Variants in TGFB1 observed in about 807,000 individuals in gnomAD.
TGFB1 encodes transforming growth factor beta-1 proprotein.
Under a neutral mutation model 43.8 loss-of-function variants are expected in TGFB1, and 19 were observed. The ratio of observed to expected loss-of-function variants is 0.43; its 90% CI spans 0.30 to 0.64. The LOEUF (loss-of-function observed/expected upper bound fraction) is 0.64. Among genes scored for constraint, TGFB1 ranks in the 30% least tolerant of loss-of-function variants. The pLI is 0.11. For missense variants in TGFB1, 445 were observed against 529.8 expected (o/e 0.84, Z 1.57); for synonymous variants, 221 against 236.3 (o/e 0.94, Z 0.60).
chr19:41,332,301 G>C lies in TGFB1; in HGVS notation c.861-20C>G, dbSNP rs8179181. ...GTGGAGCTGCAGGCAGGAGAGACGC[G>C]TCAGGGGCAGGGAGGGGCTACCACC... On this transcript the variant is annotated intron_variant, in intron 5 of 6. Coordinates refer to ENST00000221930, the MANE Select transcript of TGFB1 (RefSeq NM_000660.7). 17 of 1,609,206 alleles carry C rather than the reference G, an allele frequency of 1.1e-5. No individual in the cohort carries two copies. The highest frequency in any genetic ancestry group is 1.7e-5 in the Admixed American group (1 of 59,686).
intron 5 of TGFB1, among the ~76,000 whole-genome samples, chr19:41,337,895 T>C (rs933424107): frequency 3.3e-5 from 5 of 152,152 alleles, no homozygotes; most frequent in African/African-American, 1.2e-4. Flanking sequence ...ATCTTATTTT[T>C]AAAATGCAGG....
intron 6 of TGFB1, among the ~76,000 whole-genome samples, chr19:41,331,759 CTTG>C (rs199686363): frequency 6.6e-6 from 1 of 151,550 alleles, no homozygotes; most frequent in East Asian, 1.9e-4. Flanking sequence ...CGCCTCTTGC[CTTG>C]TTGTGTATCT....
chr19:41,341,466 CAAAAAAAAAAAAAA>C lies in TGFB1; in HGVS notation c.860+403_860+416del, dbSNP rs770264069. 7.6e-4 allele frequency among the ~76,000 whole-genome samples: 27 copies of C among 35,588 alleles called. No homozygotes were observed. The Admixed American group carries it at 7.6e-3, about 10-fold the overall frequency. The allele number at this position is 35,588 out of a possible 152,430, so 23.3% of individuals were successfully genotyped here. A position where few individuals can be genotyped will look rare whatever the true frequency, so the allele number is the denominator to read the frequency against. ...CAGGTGACAGAGCGAGACTCTGTCT[CAAAAAAAAAAAAAA>C]AAAAAAAAAAAGGAACCTGATCCCA... On this transcript the variant is annotated intron_variant, in intron 5 of 6. Transcript: ENST00000221930.
intron 1 of TGFB1, 54 bp from the exon 2 acceptor site, chr19:41,348,509 G>A: frequency 6.3e-7 from 1 of 1,593,490 alleles, no homozygotes; most frequent in Non-Finnish European, 8.6e-7. Context: ...GGTGAGGGGA[G>A]CTGGTGCTCC....
At chr19:41,352,397 A>G (rs2038214508) in intron 1 of TGFB1, among the ~76,000 whole-genome samples, 1 of 105,662 alleles carries the variant, frequency 9.5e-6, no homozygotes, top group East Asian at 3.2e-4. Context: ...CCCTCCCCCT[A>G]TTGCTTGTCT....
intron 5 of TGFB1, 55 bp downstream of exon 5, chr19:41,341,828 A>G: frequency 6.2e-7 from 1 of 1,610,330 alleles, no homozygotes; most frequent in Non-Finnish European, 8.5e-7. Flanking sequence ...CCTGGTCAGC[A>G]GATGGCAGTC....
At chr19:41,333,088 CTG>C (rs952732903) in intron 5 of TGFB1, among the ~76,000 whole-genome samples, 4 of 152,112 alleles carry the variant, frequency 2.6e-5, no homozygotes, top group Admixed American at 6.6e-5. Flanking sequence ...GGCGTCCTGT[CTG>C]TTCCTCAGAC....
chr19:41,350,606 C>A (rs559657670), intron 1 of TGFB1, among the ~76,000 whole-genome samples: 3 of 152,164 alleles, frequency 2.0e-5, no homozygotes, highest in Admixed American at 6.5e-5. Flanking sequence ...CCGCGCCCAG[C>A]CAAGGTATTT....
In TGFB1 at chr19:41,348,449, T is replaced by G. The variant is rs1338282395; in HGVS notation, c.362A>C (p.Tyr121Ser). The G allele has an allele frequency of 1.2e-6, 2 of 1,612,794 alleles. No homozygotes were observed. Among genetic ancestry groups the G allele is most frequent in the East Asian group, 2.2e-5 (1 of 44,806 alleles). The change falls in exon 2 of 7, where the codon TAT becomes TCT. Residue 121 changes from tyrosine to serine, a missense_variant. This residue lies in a region of TGFB1 where 366 missense variants were observed against 428.8 expected (regional missense o/e 0.85). Transcript: ENST00000221930. ...GTGTGTACTCTGCTTGAACTTGTCATAGATTTCTAGCAGGGAGAAATGAAG... is the reference window on the plus strand; with the variant it reads ...GTGTGTACTCTGCTTGAACTTGTCAGAGATTTCTAGCAGGGAGAAATGAAG... ...VLMVETHNEI[Y>S]DKFKQSTHSI...
chr19:41,343,254 C>A (rs2038079087), intron 3 of TGFB1, among the ~76,000 whole-genome samples: 1 of 152,014 alleles, frequency 6.6e-6, no homozygotes, highest in Non-Finnish European at 1.5e-5. Context: ...CCTGCCTCAG[C>A]CTCCCGAGTA....
In TGFB1 at chr19:41,342,054, G is replaced by A. The variant is rs766703879; in HGVS notation, c.713-24C>T. Reference sequence around the variant, plus strand: ...CCCTGCTTTGGTGTGGGAGTCAGGGGATAGGGGACATACACACACACTCTC... The same window carrying A: ...CCCTGCTTTGGTGTGGGAGTCAGGGAATAGGGGACATACACACACACTCTC... On this transcript the variant is annotated intron_variant, in intron 4 of 6. Coordinates refer to ENST00000221930, the MANE Select transcript of TGFB1 (RefSeq NM_000660.7). 32 of 1,614,084 alleles carry A rather than the reference G, an allele frequency of 2.0e-5. No homozygotes were observed. The Admixed American group carries it at 4.5e-4, about 23-fold the overall frequency.
intron 5 of TGFB1, among the ~76,000 whole-genome samples, chr19:41,337,188 C>T (rs1033686641): frequency 1.3e-5 from 2 of 152,020 alleles, no homozygotes; most frequent in Non-Finnish European, 1.5e-5. Flanking sequence ...GTTGCCCAGG[C>T]TGGAGTGCAA....
chr19:41,345,707 G>C (rs1018727508), intron 2 of TGFB1, among the ~76,000 whole-genome samples: 3 of 151,342 alleles, frequency 2.0e-5, no homozygotes, highest in Non-Finnish European at 4.4e-5. Context: ...TTCAAGACCA[G>C]CCTGGCCAAC....
At chr19:41,333,047 T>A (rs2037950892) in intron 5 of TGFB1, among the ~76,000 whole-genome samples, 1 of 151,940 alleles carries the variant, frequency 6.6e-6, no homozygotes, top group African/African-American at 2.4e-5. Flanking sequence ...CTCAACTCCC[T>A]CTCTCACGCC....
intron 1 of TGFB1, among the ~76,000 whole-genome samples, chr19:41,350,095 C>A (rs2038166757): frequency 1.3e-5 from 2 of 152,052 alleles, no homozygotes; most frequent in African/African-American, 4.8e-5. Flanking sequence ...ATCCTCACGC[C>A]TCAGCCTCCC....
chr19:41,353,056 C>G lies in TGFB1; in HGVS notation c.-12G>C, dbSNP rs2038234075. ...CCGGAGGGCGGCATGGGGGAGGCGG[C>G]GCCCCCCGGCACTGCCGAGAGCGCG... is the stretch of plus-strand genomic sequence containing the variant. On this transcript the variant is annotated 5_prime_UTR_variant, in exon 1 of 7. Transcript: ENST00000221930. This position sits in a 1 kb window ranked among gnomAD's most constrained non-coding sequence, Gnocchi z 5.9. 6.6e-7 allele frequency: 1 copy of G among 1,516,424 alleles called. No individual in the cohort carries two copies. Among genetic ancestry groups the G allele is most frequent in the Non-Finnish European group, 8.8e-7 (1 of 1,137,060 alleles). The allele number at this position is 1,516,424 out of a possible 1,614,324, so 93.9% of individuals were successfully genotyped here. A position where few individuals can be genotyped will look rare whatever the true frequency, so the allele number is the denominator to read the frequency against.
At position 41,330,684 on chromosome 19, in the gene TGFB1, G is replaced by A. The variant is rs1212917697; in HGVS notation, c.*368C>T. 13 of 196,810 alleles carry A rather than the reference G, an allele frequency of 6.6e-5. No individual in the cohort carries two copies. The highest frequency in any genetic ancestry group is 3.7e-3 in the Middle Eastern group (2 of 536). The allele number at this position is 196,810 out of a possible 1,614,324, so 12.2% of individuals were successfully genotyped here. A position where few individuals can be genotyped will look rare whatever the true frequency, so the allele number is the denominator to read the frequency against. ...TCCCTGCATCTCAGAGTGTTGCTAT[G>A]GTGACTGAATGAGTTCATTAATGTA... On this transcript the variant is annotated 3_prime_UTR_variant, in exon 7 of 7. Transcript: ENST00000221930.
In TGFB1 at chr19:41,348,575, T is replaced by TTTTATTTA. The variant is rs59416536; in HGVS notation, c.356-128_356-121dup. 1.2e-3 allele frequency: 351 copies of TTTTATTTA among 286,300 alleles called. 3 individuals are homozygous for TTTTATTTA. In the East Asian group the frequency reaches 0.013, roughly 10 times the overall value. 17.7% of individuals were successfully genotyped at this position (286,300 alleles called of 1,614,324 possible). The stretch of plus-strand genomic sequence containing the variant: ...TGGGGTGGAGTCAGTCTCTGATACC[T>TTTTATTTA]TTTATTTATTTATTTATTTATTTAT... On this transcript the variant is annotated intron_variant, in intron 1 of 6. Transcript: ENST00000221930.
At chr19:41,332,949 C>T (rs1392652659) in intron 5 of TGFB1, among the ~76,000 whole-genome samples, 1 of 152,104 alleles carries the variant, frequency 6.6e-6, no homozygotes. Context: ...ATTGTCTTGT[C>T]ACTCCTCTGC....
Sources: allele counts gnomAD v4.1 joint callset (sites outside exome capture counted in the v4.1 genomes callset), GRCh38; gene constraint gnomAD v4.1.1; regional missense constraint gnomAD v4.1.1; non-coding constraint Gnocchi (gnomAD v3.1); transcripts MANE v1.5; gene names NCBI Gene and HGNC (gene_info 2026-07-23, HGNC 2026-07-21).